OPCML: variants seen among roughly 807,000 people sequenced by gnomAD.
OPCML encodes opioid-binding protein/cell adhesion molecule.
OPCML carries 13 observed loss-of-function variants against 37.8 expected under a neutral mutation model. The observed-to-expected ratio is 0.34, with a 90% CI of 0.22 to 0.55. The LOEUF (loss-of-function observed/expected upper bound fraction) is 0.55. OPCML is among the 20% of genes least tolerant of loss of function. The probability of loss-of-function intolerance (pLI) is 0.91; values close to 1 mark genes in which losing one functional copy is unlikely to be tolerated. For synonymous variants in OPCML, 176 were observed against 168.8 expected (o/e 1.04, Z -0.33); for missense variants, 341 against 435.6 (o/e 0.78, Z 1.93).
At chr11:133,165,660 CTT>C (rs974240504) in intron 1 of OPCML, among the ~76,000 whole-genome samples, 7 of 152,306 alleles carry the variant, frequency 4.6e-5, no homozygotes, top group Non-Finnish European at 7.4e-5. Context: ...GTGCCCTCAG[CTT>C]TTTGTTTCCT....
intron 1 of OPCML, among the ~76,000 whole-genome samples, chr11:133,083,121 T>TCACACACACCACGCACACACACG (rs1948763187): frequency 6.6e-6 from 1 of 151,784 alleles, no homozygotes; most frequent in Non-Finnish European, 1.5e-5. Flanking sequence ...CACACTCACA[T>TCACACACACCACGCACACACACG]CACACACACC....
intron 2 of OPCML, among the ~76,000 whole-genome samples, chr11:132,692,490 A>G (rs1943442619): frequency 6.6e-6 from 1 of 152,216 alleles, no homozygotes; most frequent in Non-Finnish European, 1.5e-5. Context: ...ATTGCTCCAT[A>G]TTCAGTCTTA....
At chr11:133,437,914 T>C (rs918436715) in intron 1 of OPCML, among the ~76,000 whole-genome samples, 3 of 152,030 alleles carry the variant, frequency 2.0e-5, no homozygotes. Flanking sequence ...GAGGACAAAA[T>C]GAAGAGTTTT....
chr11:133,248,350 G>A (rs757103526), intron 1 of OPCML, among the ~76,000 whole-genome samples: 6 of 152,238 alleles, frequency 3.9e-5, no homozygotes, highest in Non-Finnish European at 8.8e-5. Context: ...CACCTCTTTG[G>A]CTAAGGTGGG....
At chr11:132,824,795 T>G (rs1940201368) in intron 2 of OPCML, among the ~76,000 whole-genome samples, 2 of 152,208 alleles carry the variant, frequency 1.3e-5, no homozygotes, top group African/African-American at 4.8e-5. Context: ...TTTCTGTGAT[T>G]GTCATTCCTC....
chr11:133,342,816 G>A (rs1431591692), intron 1 of OPCML, among the ~76,000 whole-genome samples: 2 of 152,124 alleles, frequency 1.3e-5, no homozygotes, highest in African/African-American at 4.8e-5. Context: ...GCTAAATTTG[G>A]TCTGGAGCAG....
intron 2 of OPCML, among the ~76,000 whole-genome samples, chr11:132,879,233 A>G (rs953684991): frequency 2.0e-5 from 3 of 152,240 alleles, no homozygotes; most frequent in African/African-American, 7.2e-5. Context: ...AGGCACCTAG[A>G]CAAGAAAGAC....
chr11:132,823,588 A>AAAAC (rs372296138), intron 2 of OPCML, among the ~76,000 whole-genome samples: 120 of 152,110 alleles, frequency 7.9e-4, no homozygotes, highest in South Asian at 2.9e-3. Flanking sequence ...ACTTATAAAT[A>AAAAC]AAACAAACAA....
intron 1 of OPCML, among the ~76,000 whole-genome samples, chr11:133,185,700 C>CA (rs1053001041): frequency 4.6e-5 from 7 of 151,730 alleles, no homozygotes; most frequent in East Asian, 3.9e-4. Context: ...TATTTGAGAA[C>CA]AAAAAAAACA....
At chr11:132,498,710 G>A (rs1033677971) in intron 4 of OPCML, among the ~76,000 whole-genome samples, 18 of 143,248 alleles carry the variant, frequency 1.3e-4, no homozygotes, top group South Asian at 4.1e-4. Flanking sequence ...TAGGCATATA[G>A]GATCCGAAGA....
intron 1 of OPCML, among the ~76,000 whole-genome samples, chr11:133,382,435 C>T (rs1944949992): frequency 6.6e-6 from 1 of 152,150 alleles, no homozygotes; most frequent in South Asian, 2.1e-4. Context: ...ATCTTCCTCT[C>T]GTTCCCCATC....
intron 1 of OPCML, among the ~76,000 whole-genome samples, chr11:133,149,098 A>C (rs916777070): frequency 8.5e-5 from 13 of 152,296 alleles, no homozygotes; most frequent in African/African-American, 3.1e-4. Context: ...ACAGACCCAG[A>C]CAGCCACCTC....
chr11:132,888,324 G>T (rs1439115489), intron 2 of OPCML, among the ~76,000 whole-genome samples: 1 of 152,184 alleles, frequency 6.6e-6, no homozygotes, highest in African/African-American at 2.4e-5. Flanking sequence ...ATTTAGGTCA[G>T]ACAGAGTGGA....
At chr11:132,436,537 A>T in intron 6 of OPCML, 122 bp downstream of exon 6, 1 of 1,483,716 alleles carries the variant, frequency 6.7e-7, no homozygotes, top group Middle Eastern at 1.9e-4. Flanking sequence ...GTTACAAAAG[A>T]GGGCATAGTA....
chr11:132,906,534 T>C (rs1349856965), intron 2 of OPCML, among the ~76,000 whole-genome samples: 2 of 152,182 alleles, frequency 1.3e-5, no homozygotes, highest in African/African-American at 4.8e-5. Context: ...ACAGGGGAAA[T>C]GAATACTATT....
chr11:133,350,805 G>T (rs888828536), intron 1 of OPCML, among the ~76,000 whole-genome samples: 1 of 152,162 alleles, frequency 6.6e-6, no homozygotes, highest in African/African-American at 2.4e-5. Context: ...ATGACAGGCA[G>T]CTTCTTCTCT....
At chr11:133,187,363 G>T (rs75798316) in intron 1 of OPCML, among the ~76,000 whole-genome samples, 6,236 of 152,046 alleles carry the variant, frequency 0.041, 202 homozygotes, top group African/African-American at 0.098. Flanking sequence ...CAGGAATTGC[G>T]TAAAGAACTA....
At chr11:133,491,787 C>T (rs574835107) in intron 1 of OPCML, among the ~76,000 whole-genome samples, 25 of 152,084 alleles carry the variant, frequency 1.6e-4, no homozygotes, top group African/African-American at 5.6e-4. Flanking sequence ...AAGCACTGAG[C>T]ATTTACCATT....
chr11:132,616,284 C>T (rs757618380), intron 3 of OPCML, among the ~76,000 whole-genome samples: 7 of 152,160 alleles, frequency 4.6e-5, no homozygotes, highest in Non-Finnish European at 7.3e-5. Flanking sequence ...ACACGCATAC[C>T]GGTTAAACTA....
Sources: allele counts gnomAD v4.1 joint callset (sites outside exome capture counted in the v4.1 genomes callset), GRCh38; gene constraint gnomAD v4.1.1; transcripts MANE v1.5; gene names NCBI Gene and HGNC (gene_info 2026-07-23, HGNC 2026-07-21).